Variants in ZNF430 observed in about 807,000 individuals in gnomAD.
ZNF430 encodes zinc finger protein 430.
A neutral mutation model predicts 56.7 loss-of-function variants in ZNF430; 35 were observed. The ratio of observed to expected loss-of-function variants is 0.62; its 90% CI spans 0.47 to 0.82. The LOEUF is 0.82. Among genes scored for constraint, ZNF430 ranks in the 40% least tolerant of loss-of-function variants. The pLI, the probability that ZNF430 is intolerant of heterozygous loss-of-function variation, is 0.00. For synonymous variants in ZNF430, 212 were observed against 224.3 expected, an observed-to-expected ratio of 0.94 and a Z score of 0.49; for missense variants, 574 against 661.0, an observed-to-expected ratio of 0.87 and a Z score of 1.44.
intron 4 of ZNF430, chr19:21,049,389 T>C (rs1038968670): frequency 6.6e-6 from 1 of 151,986 alleles, no homozygotes; most frequent in Admixed American, 6.6e-5. Context: ...TCTATATGTA[T>C]CTGTATATTT....
At chr19:21,033,964 TA>T (rs928338313) in intron 3 of ZNF430, 121 bp from the exon 4 acceptor site, 1 of 700,268 alleles carries the variant, frequency 1.4e-6, no homozygotes, top group African/African-American at 1.9e-5. Context: ...ATTTCTGTTA[TA>T]AATTAGTATT....
Position 21,056,990 on chromosome 19 carries a change from A to G in ZNF430, c.682A>G (p.Ile228Val). The change falls in exon 5 of 5, where the codon ATT becomes GTT. Residue 228 changes from isoleucine (I) to valine (V), a missense_variant. Physicochemically the swap from Ile to Val is conservative, Grantham distance 29 (BLOSUM62 3). Transcript: ENST00000261560. The stretch of plus-strand genomic sequence containing the variant: ...CCTAACTCAACATAAAAGAATTCAT[A>G]TTAGGGAAAATTCTTACCAATGTGA... ...LHLTQHKRIH[I>V]RENSYQCEEC... is the part of the protein sequence containing the mutation. 1.9e-6 allele frequency: 3 copies of G among 1,614,008 alleles called. No homozygotes were observed. Among genetic ancestry groups the G allele is most frequent in the Non-Finnish European group, 2.5e-6 (3 of 1,179,956 alleles).
At chr19:21,054,335 G>GT (rs1444262571) in intron 4 of ZNF430, among the ~76,000 whole-genome samples, 3 of 151,176 alleles carry the variant, frequency 2.0e-5, no homozygotes, top group Admixed American at 1.3e-4. Flanking sequence ...AGCATACGGA[G>GT]TACCAATGCA....
intron 2 of ZNF430, among the ~76,000 whole-genome samples, chr19:21,026,774 G>A (rs1187294880): frequency 6.6e-6 from 1 of 150,892 alleles, no homozygotes; most frequent in Non-Finnish European, 1.5e-5. Flanking sequence ...TCTGCACACA[G>A]GGATAGTTAG....
At chr19:21,025,537 A>G (rs1967776121) in intron 2 of ZNF430, among the ~76,000 whole-genome samples, 1 of 151,774 alleles carries the variant, frequency 6.6e-6, no homozygotes, top group Non-Finnish European at 1.5e-5. Flanking sequence ...CATTTTACCC[A>G]GCCCCTATTC....
intron 4 of ZNF430, among the ~76,000 whole-genome samples, chr19:21,040,823 T>A (rs1317249278): frequency 6.6e-6 from 1 of 152,194 alleles, no homozygotes; most frequent in Non-Finnish European, 1.5e-5. Context: ...GGAGTCCTGA[T>A]GTTATATATA....
intron 2 of ZNF430, among the ~76,000 whole-genome samples, chr19:21,030,065 A>G (rs79894357): frequency 2.8e-3 from 409 of 144,452 alleles, no homozygotes; most frequent in South Asian, 0.013. Flanking sequence ...GACAGAAATA[A>G]ACTATTTATT....
intron 3 of ZNF430, 164 bp downstream of exon 3, chr19:21,033,746 G>C: frequency 1.2e-6 from 1 of 858,710 alleles, no homozygotes. Flanking sequence ...ATTTTTTCAA[G>C]AAGTTTTATC....
chr19:21,028,832 C>G (rs1568584222), intron 2 of ZNF430, among the ~76,000 whole-genome samples: 1 of 152,116 alleles, frequency 6.6e-6, no homozygotes, highest in Non-Finnish European at 1.5e-5. Flanking sequence ...AATACAGGCA[C>G]TTGCCACCAT....
rs1415706765 is a variant in ZNF430, at chr19:21,020,814, C to T, written c.3+11C>T. 4 of 1,613,676 alleles carry T rather than the reference C, an allele frequency of 2.5e-6. No homozygotes were observed. The highest frequency in any genetic ancestry group is 1.7e-5 in the Admixed American group (1 of 60,000). On this transcript the variant is annotated intron_variant, in intron 1 of 4. Coordinates refer to ENST00000261560, the MANE Select transcript of ZNF430 (RefSeq NM_025189.4). ...GGAAGCCTAGAAATGGTGAGAGTGCCGGGTCCGACATCCCCAGAGAGGGGA... is the reference window on the plus strand; with the variant it reads ...GGAAGCCTAGAAATGGTGAGAGTGCTGGGTCCGACATCCCCAGAGAGGGGA...
chr19:21,044,870 A>G (rs1343498456), intron 4 of ZNF430, among the ~76,000 whole-genome samples: 2 of 152,120 alleles, frequency 1.3e-5, no homozygotes, highest in East Asian at 1.9e-4. Flanking sequence ...ATGTGCATAC[A>G]GGTGTTTATA....
intron 4 of ZNF430, among the ~76,000 whole-genome samples, chr19:21,055,055 A>G (rs1968349730): frequency 1.3e-5 from 2 of 151,828 alleles, no homozygotes; most frequent in African/African-American, 2.4e-5. Context: ...GGTATTTTAC[A>G]TATTTTTGTT....
intron 4 of ZNF430, chr19:21,035,661 A>G (rs1967986092): frequency 4.8e-6 from 1 of 206,398 alleles, no homozygotes; most frequent in African/African-American, 2.3e-5. Context: ...TTCAGTAGGT[A>G]AAGATCTTTT....
At position 21,058,243 on chromosome 19, in the gene ZNF430, G is replaced by A. The variant is rs373730437; in HGVS notation, c.*222G>A. 4.0e-5 allele frequency: 21 copies of A among 521,484 alleles called. No homozygotes were observed. The East Asian group carries it at 5.8e-4, about 14-fold the overall frequency. The allele number at this position is 521,484 out of a possible 1,614,324, so 32.3% of individuals were successfully genotyped here. On this transcript the variant is annotated 3_prime_UTR_variant, in exon 5 of 5. Coordinates refer to ENST00000261560, the MANE Select transcript of ZNF430 (RefSeq NM_025189.4). ...GTGAATTACATGAGGTTGGGAGTTC[G>A]AGACCAGCCTGACCAACATGGTGAA... is the stretch of plus-strand genomic sequence containing the variant.
At chr19:21,045,582 G>A (rs933724347) in intron 4 of ZNF430, among the ~76,000 whole-genome samples, 2 of 152,152 alleles carry the variant, frequency 1.3e-5, no homozygotes, top group African/African-American at 4.8e-5. Context: ...TATCTATCAG[G>A]TCCATTTGAC....
Position 21,056,750 on chromosome 19 carries a change from G to A in ZNF430, c.442G>A (p.Gly148Ser). ...ACATGAAGATTTACAGTTAAGAACA[G>A]GCTGTAAAAGTGTGGATGAGTGTAA... ...CGHEDLQLRT[G>S]CKSVDECNLH... Residue 148 changes from glycine to serine, a missense_variant, in exon 5 of 5, where the codon GGC becomes AGC. Around this residue, in one of 3 missense-constraint regions of ZNF430, gnomAD observed 346 missense variants for 399.1 expected, o/e 0.87. Coordinates refer to ENST00000261560, the MANE Select transcript of ZNF430 (RefSeq NM_025189.4). The A allele has an allele frequency of 1.9e-6, 3 of 1,613,300 alleles. No individual in the cohort carries two copies. Among genetic ancestry groups the A allele is most frequent in the Non-Finnish European group, 2.5e-6 (3 of 1,179,716 alleles).
intron 4 of ZNF430, among the ~76,000 whole-genome samples, chr19:21,043,356 C>T (rs747623267): frequency 1.8e-4 from 28 of 152,298 alleles, no homozygotes; most frequent in Middle Eastern, 3.4e-3. Flanking sequence ...ATTCTCCCAG[C>T]ACCATTCATT....
At chr19:21,055,771 A>G (rs565895798) in intron 4 of ZNF430, among the ~76,000 whole-genome samples, 2 of 152,154 alleles carry the variant, frequency 1.3e-5, no homozygotes, top group South Asian at 4.1e-4. Context: ...GTTTCTTCTT[A>G]ATAGTAATAA....
At chr19:21,041,564 G>A (rs1901930849) in intron 4 of ZNF430, among the ~76,000 whole-genome samples, 1 of 152,152 alleles carries the variant, frequency 6.6e-6, no homozygotes, top group Non-Finnish European at 1.5e-5. Flanking sequence ...TTGTTACATA[G>A]GTAAACATGT....
Sources: allele counts gnomAD v4.1 joint callset (sites outside exome capture counted in the v4.1 genomes callset), GRCh38; gene constraint gnomAD v4.1.1; regional missense constraint gnomAD v4.1.1; transcripts MANE v1.5; gene names NCBI Gene and HGNC (gene_info 2026-07-23, HGNC 2026-07-21).